The following KHDRBS2 variants were observed in gnomAD, a reference collection of about 807,000 sequenced individuals.
The protein encoded by KHDRBS2 is KH domain-containing, RNA-binding, signal transduction-associated protein 2.
A neutral mutation model predicts 44.3 loss-of-function variants in KHDRBS2; 26 were observed. The ratio of observed to expected loss-of-function variants is 0.59; its 90% confidence interval spans 0.43 to 0.81. The LOEUF (loss-of-function observed/expected upper bound fraction) is 0.81. KHDRBS2 is among the 40% of genes least tolerant of loss of function. The pLI, the probability that KHDRBS2 is intolerant of heterozygous loss-of-function variation, is 0.00. For missense variants in KHDRBS2, 476 were observed against 433.1 expected (o/e 1.10, Z -0.88); for synonymous variants, 194 against 151.1 (o/e 1.28, Z -2.08).
At chr6:62,197,089 AG>A (rs1356002579) in intron 1 of KHDRBS2, among the ~76,000 whole-genome samples, 1 of 152,168 alleles carries the variant, frequency 6.6e-6, no homozygotes. Flanking sequence ...CAGTAAGTAG[AG>A]CAACAATTTA....
intron 6 of KHDRBS2, among the ~76,000 whole-genome samples, chr6:61,840,904 C>T (rs1268025482): frequency 1.3e-5 from 2 of 152,130 alleles, no homozygotes; most frequent in Non-Finnish European, 2.9e-5. Context: ...GAAATGGAGA[C>T]ATGCAGTCCA....
intron 1 of KHDRBS2, among the ~76,000 whole-genome samples, chr6:62,179,496 C>T (rs1271710889): frequency 6.6e-6 from 1 of 151,622 alleles, no homozygotes; most frequent in Non-Finnish European, 1.5e-5. Context: ...AAAATCCATT[C>T]ATCATGTCCT....
chr6:62,106,638 G>A (rs1037204874), intron 2 of KHDRBS2, among the ~76,000 whole-genome samples: 18 of 151,836 alleles, frequency 1.2e-4, no homozygotes, highest in African/African-American at 2.9e-4. Context: ...TACCAAAGCC[G>A]GGCAGAGACA....
intron 2 of KHDRBS2, among the ~76,000 whole-genome samples, chr6:62,146,907 G>C (rs1814061705): frequency 6.6e-6 from 1 of 151,882 alleles, no homozygotes; most frequent in Non-Finnish European, 1.5e-5. Flanking sequence ...GGGTAAAGGA[G>C]CCCAATCTGT....
At chr6:61,550,075 G>A in the KHDRBS2 span, among the ~76,000 whole-genome samples, 29 of 152,100 alleles carry the variant, frequency 1.9e-4, no homozygotes, top group African/African-American at 5.3e-4. Context: ...TAGGGTCAGC[G>A]GTACATAGGT....
At chr6:61,871,635 C>T (rs1179560960) in intron 6 of KHDRBS2, among the ~76,000 whole-genome samples, 1 of 152,188 alleles carries the variant, frequency 6.6e-6, no homozygotes, top group Non-Finnish European at 1.5e-5. Context: ...AAGGGAAACT[C>T]ATCAGACTAA....
rs141889393 is a variant in KHDRBS2, at chr6:61,715,184, AAAC to A, written c.893+17495_893+17497del. ...TGCAAATTGACTAAGAAACCAAAGA[AAAC>A]AACGAACGCATAGAAATGTTGCTCA... On this transcript the variant is annotated intron_variant, in intron 7 of 8. Transcript: ENST00000281156. 8.4e-3 allele frequency among the ~76,000 whole-genome samples: 1,274 copies of A among 152,072 alleles called. 15 individuals are homozygous for A. Among genetic ancestry groups the A allele is most frequent in the African/African-American group, 0.029 (1,216 of 41,528 alleles).
intron 4 of KHDRBS2, among the ~76,000 whole-genome samples, chr6:61,977,328 T>C (rs1312605258): frequency 1.3e-5 from 2 of 152,162 alleles, no homozygotes; most frequent in East Asian, 1.9e-4. Flanking sequence ...AGATTTCTAT[T>C]TGAATGACTT....
At chr6:62,032,463 G>A (rs1331718377) in intron 3 of KHDRBS2, among the ~76,000 whole-genome samples, 1 of 151,782 alleles carries the variant, frequency 6.6e-6, no homozygotes, top group Non-Finnish European at 1.5e-5. Flanking sequence ...TCCTCAGCCT[G>A]CTGATGGCCT....
the KHDRBS2 span, among the ~76,000 whole-genome samples, chr6:61,555,831 G>A: frequency 6.6e-6 from 1 of 152,140 alleles, no homozygotes; most frequent in Non-Finnish European, 1.5e-5. Context: ...TTTAACTTGG[G>A]GGCCTGTTAT....
chr6:61,830,378 A>C (rs2127261424), intron 6 of KHDRBS2, among the ~76,000 whole-genome samples: 1 of 152,328 alleles, frequency 6.6e-6, no homozygotes, highest in Admixed American at 6.5e-5. Flanking sequence ...TACCTATCTA[A>C]GTCTTCTCTA....
intron 2 of KHDRBS2, among the ~76,000 whole-genome samples, chr6:62,059,538 G>C (rs576328436): frequency 6.6e-6 from 1 of 151,618 alleles, no homozygotes; most frequent in Non-Finnish European, 1.5e-5. Flanking sequence ...GTGTGAAGTA[G>C]TAATCAAAAT....
At chr6:61,961,950 T>A (rs1768831758) in intron 4 of KHDRBS2, among the ~76,000 whole-genome samples, 1 of 147,230 alleles carries the variant, frequency 6.8e-6, no homozygotes, top group Non-Finnish European at 1.5e-5. Context: ...TACCATATAA[T>A]AAATACAATA....
intron 1 of KHDRBS2, among the ~76,000 whole-genome samples, chr6:62,276,617 C>G (rs1177349025): frequency 3.3e-5 from 5 of 152,172 alleles, no homozygotes; most frequent in Non-Finnish European, 5.9e-5. Context: ...TAATTCAATT[C>G]TATACTAAGG....
intron 6 of KHDRBS2, among the ~76,000 whole-genome samples, chr6:61,761,696 A>C (rs1391736330): frequency 6.6e-6 from 1 of 152,200 alleles, no homozygotes; most frequent in East Asian, 1.9e-4. Flanking sequence ...GAACTACAGA[A>C]TTTGAGATCA....
rs1271537274 is a variant in KHDRBS2 at position 61,893,485 on chromosome 6, A to G, written c.810+1150T>C. ...TGCGACACTATTCACAATAGCAAAG[A>G]CTTGGAACCAACCCAAATGTCCAAC... is the stretch of plus-strand genomic sequence containing the variant. On this transcript the variant is annotated intron_variant, in intron 6 of 8. Coordinates refer to ENST00000281156, the MANE Select transcript of KHDRBS2 (RefSeq NM_152688.4). 5.3e-5 allele frequency among the ~76,000 whole-genome samples: 8 copies of G among 152,320 alleles called. No individual in the cohort carries two copies. The East Asian group carries it at 1.2e-3, about 22-fold the overall frequency.
intron 2 of KHDRBS2, among the ~76,000 whole-genome samples, chr6:62,123,797 G>A (rs540979497): frequency 6.6e-6 from 1 of 152,272 alleles, no homozygotes; most frequent in South Asian, 2.1e-4. Flanking sequence ...TTTGACATCA[G>A]GCAGTCTGGG....
chr6:61,912,086 G>A (rs1376248026), intron 4 of KHDRBS2, among the ~76,000 whole-genome samples: 1 of 152,012 alleles, frequency 6.6e-6, no homozygotes, highest in East Asian at 1.9e-4. Context: ...GCAGACAAGG[G>A]TTAAGAATGT....
At chr6:61,715,047 A>C (rs747158791) in intron 7 of KHDRBS2, among the ~76,000 whole-genome samples, 49 of 151,906 alleles carry the variant, frequency 3.2e-4, no homozygotes, top group Non-Finnish European at 6.2e-4. Context: ...TGCATAGAAC[A>C]AATTACAACT....
Sources: allele counts gnomAD v4.1 joint callset (sites outside exome capture counted in the v4.1 genomes callset), GRCh38; gene constraint gnomAD v4.1.1; transcripts MANE v1.5; gene names NCBI Gene and HGNC (gene_info 2026-07-23, HGNC 2026-07-21).